Variants in MBOAT7 observed in about 807,000 individuals in gnomAD.
MBOAT7 encodes membrane bound acylglycerophosphatidylinositol O-acyltransferase MBOAT7, also known as membrane-bound acylglycerophosphatidylinositol O-acyltransferase MBOAT7.
MBOAT7 carries 40 observed loss-of-function variants against 47.4 expected under a neutral mutation model. The ratio of observed to expected loss-of-function variants is 0.84; its 90% confidence interval spans 0.66 to 1.10. The LOEUF is 1.10. Ranked by LOEUF, MBOAT7 falls within the 50% of genes least tolerant of loss-of-function variation. The probability of loss-of-function intolerance (pLI) is 0.00; values close to 1 mark genes in which losing one functional copy is unlikely to be tolerated. For missense variants in MBOAT7, 680 were observed against 655.6 expected (o/e 1.04, Z -0.41); for synonymous variants, 361 against 292.0 (o/e 1.24, Z -2.41).
In MBOAT7 at chr19:54,188,069, G is replaced by GAAAGAAAGAAAGAAAGAAAA. The variant is rs1416964687; in HGVS notation, c.206+147_206+148insTTTTCTTTCTTTCTTTCTTT. ...AGAAAGAAAGAAAGAAAGAAAGAAA[G>GAAAGAAAGAAAGAAAGAAAA]ACAAACAAACAAACATGAAACAGAG... On this transcript the variant is annotated intron_variant, in intron 3 of 7. Coordinates refer to ENST00000245615, the MANE Select transcript of MBOAT7 (RefSeq NM_024298.5). The GAAAGAAAGAAAGAAAGAAAA allele has an allele frequency of 9.8e-4, 199 of 203,672 alleles. 2 individuals carry two copies. The highest frequency in any genetic ancestry group is 5.1e-3 in the Middle Eastern group (3 of 594). The allele number at this position is 203,672 out of a possible 1,614,324, so 12.6% of individuals were successfully genotyped here.
Position 54,173,650 on chromosome 19 carries a change from C to A in MBOAT7, c.*394G>T. On this transcript the variant is annotated 3_prime_UTR_variant, in exon 8 of 8. Transcript: ENST00000245615. ...GATGAGCTAAAAGTGGAGCGAAAGA[C>A]ACAAGGAAGAGGCTTCCCACTCCCA... The A allele has an allele frequency of 4.4e-6, 1 of 229,066 alleles. No individual in the cohort carries two copies. Among genetic ancestry groups the A allele is most frequent in the Non-Finnish European group, 8.5e-6 (1 of 117,750 alleles). 14.2% of individuals were successfully genotyped at this position (229,066 alleles called of 1,614,324 possible).
In MBOAT7 at chr19:54,180,416, T is replaced by A; in HGVS notation, c.854+357A>T. On this transcript the variant is annotated intron_variant, in intron 6 of 7. Coordinates refer to ENST00000245615, the MANE Select transcript of MBOAT7 (RefSeq NM_024298.5). The surrounding 1 kb of genome is among the most constrained non-coding windows in gnomAD (Gnocchi z 5.2). ...CTAGCAACAGAGGGTGACCCACCAC[T>A]AGCAAAGGATGGCATCCCCAGCAAG... 1 of 170,686 alleles carries A rather than the reference T, an allele frequency of 5.9e-6. No individual in the cohort carries two copies. Among genetic ancestry groups the A allele is most frequent in the Non-Finnish European group, 1.2e-5 (1 of 81,018 alleles). 10.6% of individuals were successfully genotyped at this position (170,686 alleles called of 1,614,324 possible). A position where few individuals can be genotyped will look rare whatever the true frequency, so the allele number is the denominator to read the frequency against.
At position 54,180,804 on chromosome 19, in the gene MBOAT7, C is replaced by A. The variant is rs756299945; in HGVS notation, c.823G>T (p.Gly275Cys). The A allele has an allele frequency of 1.3e-6, 2 of 1,558,070 alleles. No individual in the cohort carries two copies. Among genetic ancestry groups the A allele is most frequent in the South Asian group, 1.2e-5 (1 of 85,284 alleles). ...GGGGGTGGGCATTGGAGGGTGGGGCCGCCTCCGGCCCGGGCTTTGGCGGCC... is the reference window on the plus strand; with the variant it reads ...GGGGGTGGGCATTGGAGGGTGGGGCAGCCTCCGGCCCGGGCTTTGGCGGCC... ...PVAAKARAGGGPTLQCPPPSS... is the reference protein window; with the variant it reads ...PVAAKARAGGCPTLQCPPPSS... Residue 275 changes from glycine to cysteine, a missense_variant, in exon 6 of 8, where the codon GGC becomes TGC. Coordinates refer to ENST00000245615, the MANE Select transcript of MBOAT7 (RefSeq NM_024298.5). The surrounding 1 kb of genome is among the most constrained non-coding windows in gnomAD (Gnocchi z 5.2).
intron 7 of MBOAT7, chr19:54,178,340 A>C (rs1420773818): frequency 9.4e-7 from 1 of 1,069,220 alleles, no homozygotes; most frequent in Non-Finnish European, 1.1e-6. Flanking sequence ...CCTCACATTA[A>C]ATACATTTCA....
intron 7 of MBOAT7, among the ~76,000 whole-genome samples, chr19:54,175,136 C>T (rs554693007): frequency 8.7e-4 from 133 of 152,108 alleles, no homozygotes; most frequent in Non-Finnish European, 1.5e-3. Flanking sequence ...CCACCACGCC[C>T]GGCTAATTTT....
chr19:54,188,019 AAG>A (rs2076485330), intron 3 of MBOAT7, among the ~76,000 whole-genome samples, 196 bp downstream of exon 3: 1 of 62,390 alleles, frequency 1.6e-5, no homozygotes. Flanking sequence ...CCATCTCAGA[AAG>A]AAAGAAAGAA....
chr19:54,187,543 C>A (rs562597046), intron 3 of MBOAT7, among the ~76,000 whole-genome samples: 1 of 152,206 alleles, frequency 6.6e-6, no homozygotes, highest in African/African-American at 2.4e-5. Flanking sequence ...GGTGAAGACC[C>A]TGCAATCCTC....
At chr19:54,186,155 A>G (rs1353287696) in intron 4 of MBOAT7, among the ~76,000 whole-genome samples, 1 of 152,092 alleles carries the variant, frequency 6.6e-6, no homozygotes, top group Admixed American at 6.5e-5. Flanking sequence ...CTGGGATTAC[A>G]GGTATGTGCC....
rs1374505997 is a variant in MBOAT7, at chr19:54,173,776, G to T, written c.*268C>A. The T allele has an allele frequency of 1.4e-5, 6 of 430,206 alleles. No homozygotes were observed. Among genetic ancestry groups the T allele is most frequent in the Middle Eastern group, 5.8e-4 (1 of 1,710 alleles). 26.6% of individuals were successfully genotyped at this position (430,206 alleles called of 1,614,324 possible). On this transcript the variant is annotated 3_prime_UTR_variant, in exon 8 of 8. Transcript: ENST00000245615. Reference sequence around the variant, plus strand: ...GCCCCTTCCGTTTTGGGGAAGTGCAGTGCTCTCTGGATACCCAGAAGCTGG... The same window carrying T: ...GCCCCTTCCGTTTTGGGGAAGTGCATTGCTCTCTGGATACCCAGAAGCTGG...
intron 7 of MBOAT7, chr19:54,178,266 C>T (rs886284826): frequency 1.1e-5 from 11 of 996,598 alleles, no homozygotes; most frequent in South Asian, 8.8e-5. Flanking sequence ...AGTCTCCACT[C>T]GAGAAATATT....
intron 5 of MBOAT7, among the ~76,000 whole-genome samples, chr19:54,182,126 T>C (rs1020170858): frequency 6.6e-6 from 1 of 151,850 alleles, no homozygotes; most frequent in Admixed American, 6.6e-5. Flanking sequence ...AGCTACAATA[T>C]GATGGTGGTC....
Position 54,183,543 on chromosome 19 carries a change from G to T in MBOAT7, c.471C>A (p.Tyr157Ter), listed in dbSNP as rs1222456924. The T allele has an allele frequency of 6.2e-7, 1 of 1,607,952 alleles. No homozygotes were observed. Among genetic ancestry groups the T allele is most frequent in the African/African-American group, 1.3e-5 (1 of 74,648 alleles). The change falls in exon 5 of 8, where the codon TAC becomes TAA. Residue 157 changes from tyrosine (Y) to a stop codon, truncating the protein, a stop_gained. Transcript: ENST00000245615. LOFTEE classifies it high-confidence loss of function. ...PSLMETLSYS[Y>*]CYVGIMTGPF... The stretch of plus-strand genomic sequence containing the variant: ...CACCTGTCATGATTCCCACGTAGCA[G>T]TAGCTGTAGCTGAGTGTCTCCATCA...
Position 54,180,657 on chromosome 19 carries a change from C to CA in MBOAT7, c.854+115dup. 1 of 1,026,480 alleles carries CA rather than the reference C, an allele frequency of 9.7e-7. No homozygotes were observed. The highest frequency in any genetic ancestry group is 1.4e-6 in the Non-Finnish European group (1 of 731,066). 63.6% of individuals were successfully genotyped at this position (1,026,480 alleles called of 1,614,324 possible). On this transcript the variant is annotated intron_variant, in intron 6 of 7. Coordinates refer to ENST00000245615, the MANE Select transcript of MBOAT7 (RefSeq NM_024298.5). The surrounding 1 kb of genome is among the most constrained non-coding windows in gnomAD (Gnocchi z 5.2). ...GTTGCCGAGGGGGCGACACTCTGCT[C>CA]AAAAAGGTGGTGGCCCTGGCCCCTT...
At position 54,181,036 on chromosome 19, in the gene MBOAT7, C is replaced by G. The variant is rs770063247; in HGVS notation, c.591G>C (p.Pro197=). 8 of 1,548,368 alleles carry G rather than the reference C, an allele frequency of 5.2e-6. 1 individual carries two copies. The South Asian group carries it at 9.5e-5, about 18-fold the overall frequency. ...SLRPLLRRAW[P]APLFGLLFLL... ...GGAACAGCAGGCCGAAGAGCGGGGC[C>G]GGCCAGGCGCGGCGCAGCAGGGGCC... Residue 197 remains proline, a synonymous_variant, in exon 6 of 8, where the codon CCG becomes CCC. Transcript: ENST00000245615.
chr19:54,181,200 AG>A, intron 5 of MBOAT7, 67 bp from the exon 6 acceptor site: 4 of 1,433,464 alleles, frequency 2.8e-6, no homozygotes, highest in Non-Finnish European at 2.7e-6. Context: ...CTGCAGGAGG[AG>A]GACAGGGAGC....
At chr19:54,188,368 T>G in intron 2 of MBOAT7, 22 bp from the exon 3 acceptor site, 1 of 1,611,054 alleles carries the variant, frequency 6.2e-7, no homozygotes, top group Non-Finnish European at 8.5e-7. Flanking sequence ...AGGGACAGCA[T>G]AAGCCTGGAA....
intron 7 of MBOAT7, among the ~76,000 whole-genome samples, chr19:54,176,804 G>T (rs1041684440): frequency 2.0e-5 from 3 of 152,114 alleles, no homozygotes; most frequent in African/African-American, 7.2e-5. Flanking sequence ...TGTAATCTCA[G>T]CACTTTGGGA....
intron 5 of MBOAT7, among the ~76,000 whole-genome samples, chr19:54,183,049 AG>A (rs1459156281): frequency 6.6e-6 from 1 of 152,202 alleles, no homozygotes; most frequent in Non-Finnish European, 1.5e-5. Flanking sequence ...TTTAAAATAA[AG>A]GGACGGGATC....
chr19:54,181,116 G>C lies in MBOAT7; in HGVS notation c.511C>G (p.Arg171Gly). Residue 171 changes from arginine (R) to glycine (G), a missense_variant, in exon 6 of 8, where the codon CGC becomes GGC. Arg to Gly is a moderately radical substitution (Grantham distance 125, BLOSUM62 -2). Coordinates refer to ENST00000245615, the MANE Select transcript of MBOAT7 (RefSeq NM_024298.5). ...GIMTGPFFRY[R>G]TYLDWLEQPF... ...TGCTCCAGCCAGTCCAGGTAGGTGCGGTAGCGGAAGAACGGGCCTGTGGGG... is the reference window on the plus strand; with the variant it reads ...TGCTCCAGCCAGTCCAGGTAGGTGCCGTAGCGGAAGAACGGGCCTGTGGGG... 1 of 1,484,670 alleles carries C rather than the reference G, an allele frequency of 6.7e-7. No individual in the cohort carries two copies. The highest frequency in any genetic ancestry group is 9.0e-7 in the Non-Finnish European group (1 of 1,117,024). The allele number at this position is 1,484,670 out of a possible 1,614,324, so 92.0% of individuals were successfully genotyped here. A position where few individuals can be genotyped will look rare whatever the true frequency, so the allele number is the denominator to read the frequency against.
Sources: allele counts gnomAD v4.1 joint callset (sites outside exome capture counted in the v4.1 genomes callset), GRCh38; gene constraint gnomAD v4.1.1; non-coding constraint Gnocchi (gnomAD v3.1); transcripts MANE v1.5; gene names NCBI Gene and HGNC (gene_info 2026-07-23, HGNC 2026-07-21).